The following CD5 variants were observed in gnomAD, a reference collection of about 807,000 sequenced individuals.
CD5 encodes CD5 molecule, also known as T-cell surface glycoprotein CD5.
A neutral mutation model predicts 60.3 loss-of-function variants in CD5; 36 were observed. The ratio of observed to expected loss-of-function variants is 0.60; its 90% CI spans 0.46 to 0.79. The LOEUF is 0.79. Among genes scored for constraint, CD5 ranks in the 30% least tolerant of loss-of-function variants. The pLI, the probability that CD5 is intolerant of heterozygous loss-of-function variation, is 0.00. For synonymous variants in CD5, 230 were observed against 257.6 expected (o/e 0.89, Z 1.03); for missense variants, 540 against 630.6 (o/e 0.86, Z 1.54).
intron 8 of CD5, among the ~76,000 whole-genome samples, chr11:61,124,536 CCA>C (rs1408679188): frequency 1.3e-5 from 2 of 152,070 alleles, no homozygotes; most frequent in East Asian, 1.9e-4. Flanking sequence ...CTCCTTCCAG[CCA>C]CAGTCAGAGA....
intron 1 of CD5, among the ~76,000 whole-genome samples, chr11:61,104,478 G>A (rs1032065010): frequency 1.3e-5 from 2 of 152,128 alleles, no homozygotes; most frequent in African/African-American, 2.4e-5. Flanking sequence ...ATGGGAACCC[G>A]TGTCCTGCTC....
At chr11:61,094,455 G>A in the CD5 span, among the ~76,000 whole-genome samples, 2 of 152,186 alleles carry the variant, frequency 1.3e-5, no homozygotes, top group East Asian at 3.9e-4. Context: ...CTGGTCTTGG[G>A]AACTTGCCTA....
upstream of CD5, among the ~76,000 whole-genome samples, chr11:61,101,219 A>G (rs1590763539): frequency 1.8e-5 from 2 of 111,462 alleles, 1 homozygote; most frequent in Non-Finnish European, 3.7e-5. Flanking sequence ...GAGATCACAC[A>G]CACATCAACA....
chr11:61,120,561 TC>T (rs1421458948), intron 5 of CD5, among the ~76,000 whole-genome samples: 1 of 152,188 alleles, frequency 6.6e-6, no homozygotes, highest in African/African-American at 2.4e-5. Context: ...CTCAGTGTGG[TC>T]CTGGAACAGC....
intron 1 of CD5, among the ~76,000 whole-genome samples, chr11:61,108,547 A>T (rs966557565): frequency 6.6e-6 from 1 of 152,222 alleles, no homozygotes; most frequent in African/African-American, 2.4e-5. Flanking sequence ...AAGCCCTGAT[A>T]CAGCTCCAAC....
At chr11:61,095,476 T>C in the CD5 span, among the ~76,000 whole-genome samples, 9 of 152,168 alleles carry the variant, frequency 5.9e-5, no homozygotes, top group Non-Finnish European at 1.2e-4. Context: ...CTCCAAACTA[T>C]TATACAGACT....
chr11:61,095,822 T>A, the CD5 span, among the ~76,000 whole-genome samples: 1 of 152,198 alleles, frequency 6.6e-6, no homozygotes, highest in East Asian at 1.9e-4. Flanking sequence ...AAAGACTGTG[T>A]GAGGCTTACT....
intron 1 of CD5, among the ~76,000 whole-genome samples, chr11:61,113,303 G>A (rs1025991329): frequency 2.6e-5 from 4 of 152,162 alleles, no homozygotes; most frequent in East Asian, 3.8e-4. Flanking sequence ...ACTTCACCTC[G>A]TCCCCACCCA....
At position 61,118,144 on chromosome 11, in the gene CD5, C is replaced by G; in HGVS notation, c.95-31C>G. 6.2e-7 allele frequency: 1 copy of G among 1,601,810 alleles called. No individual in the cohort carries two copies. The highest frequency in any genetic ancestry group is 1.1e-5 in the South Asian group (1 of 89,226). On this transcript the variant is annotated intron_variant, in intron 2 of 10. Transcript: ENST00000347785. This position sits in a 1 kb window ranked among gnomAD's most constrained non-coding sequence, Gnocchi z 4.7. ...GTGCCAGTGGGGAACCCCTCCCAGC[C>G]TGACCCCCACCACACCTTTCTGACC...
Position 61,102,540 on chromosome 11 carries a change from G to A in CD5, c.-21G>A. ...TGCGGTGCCCAGCTGCCCAGGCTGA[G>A]GCAAGAGAAGGCCAGAAACCATGCC... On this transcript the variant is annotated 5_prime_UTR_variant, in exon 1 of 11. Coordinates refer to ENST00000347785, the MANE Select transcript of CD5 (RefSeq NM_014207.4). The A allele has an allele frequency of 6.4e-7, 1 of 1,568,950 alleles. No individual in the cohort carries two copies. The highest frequency in any genetic ancestry group is 8.7e-7 in the Non-Finnish European group (1 of 1,156,024).
upstream of CD5, among the ~76,000 whole-genome samples, chr11:61,098,700 A>C (rs2134584195): frequency 6.6e-6 from 1 of 152,320 alleles, no homozygotes; most frequent in Admixed American, 6.5e-5. Context: ...TAGAGTTGTG[A>C]GCCCTTAAAA....
At chr11:61,101,714 A>C (rs539684565), upstream of CD5, among the ~76,000 whole-genome samples, 2 of 151,846 alleles carry the variant, frequency 1.3e-5, no homozygotes, top group Admixed American at 1.3e-4. Flanking sequence ...TGGAGATCAC[A>C]CACAACACAG....
At chr11:61,119,165 A>G in intron 4 of CD5, 69 bp from the exon 5 acceptor site, 1 of 1,439,392 alleles carries the variant, frequency 6.9e-7, no homozygotes, top group Non-Finnish European at 9.4e-7. Flanking sequence ...TTGGGGCCAA[A>G]CAGCAAGGAG....
chr11:61,094,722 C>A, the CD5 span, among the ~76,000 whole-genome samples: 1 of 152,024 alleles, frequency 6.6e-6, no homozygotes, highest in African/African-American at 2.4e-5. Context: ...GGGTCAGACA[C>A]AAAGTAAGCC....
At chr11:61,098,993 A>C (rs536221378), upstream of CD5, among the ~76,000 whole-genome samples, 1 of 152,156 alleles carries the variant, frequency 6.6e-6, no homozygotes. Context: ...AGGAAGCCCA[A>C]GGAGCCAGGA....
chr11:61,099,745 A>C (rs572721096), upstream of CD5, among the ~76,000 whole-genome samples: 269 of 151,994 alleles, frequency 1.8e-3, no homozygotes, highest in African/African-American at 6.1e-3. Flanking sequence ...ACACACATCT[A>C]CATGGAGATC....
intron 6 of CD5, 122 bp from the exon 7 acceptor site, chr11:61,122,785 C>A: frequency 9.4e-7 from 1 of 1,066,662 alleles, no homozygotes. Flanking sequence ...GCCTTCCGTG[C>A]ATGCTGGTGA....
upstream of CD5, among the ~76,000 whole-genome samples, chr11:61,100,237 A>G (rs1860647429): frequency 7.0e-6 from 1 of 143,848 alleles, no homozygotes; most frequent in Admixed American, 7.0e-5. Flanking sequence ...CAACATGGAG[A>G]TCACACACAC....
At chr11:61,104,744 C>T (rs181962851) in intron 1 of CD5, among the ~76,000 whole-genome samples, 18 of 152,384 alleles carry the variant, frequency 1.2e-4, no homozygotes, top group African/African-American at 4.1e-4. Flanking sequence ...AGCTTCACAA[C>T]AGCCAATGAA....
Sources: allele counts gnomAD v4.1 joint callset (sites outside exome capture counted in the v4.1 genomes callset), GRCh38; gene constraint gnomAD v4.1.1; non-coding constraint Gnocchi (gnomAD v3.1); transcripts MANE v1.5; gene names NCBI Gene and HGNC (gene_info 2026-07-23, HGNC 2026-07-21).